The following CEP152 variants were observed in gnomAD, a reference collection of about 807,000 sequenced individuals.
The protein encoded by CEP152 is centrosomal protein 152, also known as centrosomal protein of 152 kDa.
CEP152 carries 132 observed loss-of-function variants against 188.9 expected under a neutral mutation model. The ratio of observed to expected loss-of-function variants is 0.70; its 90% CI spans 0.61 to 0.81. CEP152 has a LOEUF of 0.81. Among genes scored for constraint, CEP152 ranks in the 30% least tolerant of loss-of-function variants. The pLI, the probability that CEP152 is intolerant of heterozygous loss-of-function variation, is 0.00. For missense variants in CEP152, 1,914 were observed against 1,969.8 expected (o/e 0.97, Z 0.54); for synonymous variants, 649 against 666.6 (o/e 0.97, Z 0.41).
intron 2 of CEP152, among the ~76,000 whole-genome samples, chr15:48,802,047 G>A (rs1376441749): frequency 1.3e-5 from 2 of 151,018 alleles, no homozygotes; most frequent in Non-Finnish European, 2.9e-5. Flanking sequence ...CCAAGATCCC[G>A]TGATTGCACT....
intron 13 of CEP152, among the ~76,000 whole-genome samples, chr15:48,771,443 G>T (rs1277900064): frequency 6.6e-6 from 1 of 152,058 alleles, no homozygotes; most frequent in Admixed American, 6.5e-5. Flanking sequence ...AATGACTTTT[G>T]TTGTAAGAAC....
intron 10 of CEP152, among the ~76,000 whole-genome samples, chr15:48,782,568 A>G (rs541320322): frequency 6.6e-6 from 1 of 152,314 alleles, no homozygotes; most frequent in Admixed American, 6.5e-5. Context: ...AGTCAAAGAA[A>G]AAATTCTTTG....
At chr15:48,778,281 CAA>C (rs1306518640) in intron 12 of CEP152, among the ~76,000 whole-genome samples, 2 of 152,152 alleles carry the variant, frequency 1.3e-5, no homozygotes, top group Non-Finnish European at 2.9e-5. Flanking sequence ...GAAAGCAGCC[CAA>C]GTCAACAAAG....
intron 2 of CEP152, among the ~76,000 whole-genome samples, chr15:48,800,070 A>G (rs983311363): frequency 6.6e-6 from 1 of 152,234 alleles, no homozygotes; most frequent in African/African-American, 2.4e-5. Flanking sequence ...TCCCCGCACA[A>G]AAACAAAAAA....
In CEP152 at chr15:48,743,614, G is replaced by A. The variant is rs371244088; in HGVS notation, c.3835+626C>T. ...ACAGTGGCTCACGCCCGTAATCCCA[G>A]CACTTTGCGAGGCCGAAGCGGGTGG... On this transcript the variant is annotated intron_variant, in intron 24 of 26. Transcript: ENST00000380950. Among the ~76,000 whole-genome samples the A allele has an allele frequency of 1.6e-4, 25 of 152,330 alleles. 1 individual carries two copies. In the East Asian group the frequency reaches 4.8e-3, roughly 29 times the overall value.
chr15:48,754,731 G>A (rs775104423), intron 20 of CEP152, among the ~76,000 whole-genome samples: 48 of 152,294 alleles, frequency 3.2e-4, no homozygotes, highest in Non-Finnish European at 5.3e-4. Context: ...GCAGGACCCA[G>A]AAAGGCTAAG....
intron 20 of CEP152, among the ~76,000 whole-genome samples, chr15:48,753,061 C>A (rs971555170): frequency 3.9e-5 from 6 of 152,216 alleles, no homozygotes; most frequent in Non-Finnish European, 8.8e-5. Context: ...AAGACCATTT[C>A]TTCACTAATA....
intron 26 of CEP152, 151 bp downstream of exon 26, chr15:48,741,450 T>C (rs1892965260): frequency 6.6e-6 from 10 of 1,513,530 alleles, no homozygotes; most frequent in African/African-American, 2.8e-5. Context: ...CTGTGTACTC[T>C]TTTTGCGTAA....
Position 48,760,269 on chromosome 15 carries a change from G to C in CEP152, c.2563-3C>G, listed in dbSNP as rs751996192. On this transcript the variant is annotated splice_region_variant and splice_polypyrimidine_tract_variant and intron_variant, in intron 18 of 26. Transcript: ENST00000380950. Reference sequence around the variant, plus strand: ...GCATTTTGCACAGCTATTTCTACCTGTAGGACATTGCAAAAGAAAGAGGTA... The same window carrying C: ...GCATTTTGCACAGCTATTTCTACCTCTAGGACATTGCAAAAGAAAGAGGTA... 8 of 1,613,886 alleles carry C rather than the reference G, an allele frequency of 5.0e-6. No homozygotes were observed. The highest frequency in any genetic ancestry group is 6.8e-6 in the Non-Finnish European group (8 of 1,179,894).
rs1595624023 is a variant in CEP152, at chr15:48,760,379, T to C, written c.2563-113A>G. The C allele has an allele frequency of 7.6e-6, 10 of 1,321,060 alleles. No homozygotes were observed. The East Asian group carries it at 2.4e-4, about 31-fold the overall frequency. 81.8% of individuals were successfully genotyped at this position (1,321,060 alleles called of 1,614,324 possible). A position where few individuals can be genotyped will look rare whatever the true frequency, so the allele number is the denominator to read the frequency against. On this transcript the variant is annotated intron_variant, in intron 18 of 26. Transcript: ENST00000380950. ...TTTTATACTGTATATCACTACATAA[T>C]AAAGTCAAACTGACTGCAAGTACCC... is the stretch of plus-strand genomic sequence containing the variant.
intron 25 of CEP152, 83 bp from the exon 26 acceptor site, chr15:48,741,787 T>A: frequency 6.2e-7 from 1 of 1,610,378 alleles, no homozygotes; most frequent in South Asian, 1.1e-5. Flanking sequence ...GTTTTCCTAT[T>A]GGCTCTGCCA....
intron 9 of CEP152, 71 bp downstream of exon 9, chr15:48,788,730 T>C: frequency 1.5e-6 from 2 of 1,367,028 alleles, no homozygotes; most frequent in East Asian, 2.3e-5. Context: ...TGATGAACCA[T>C]AAAATATCAG....
At chr15:48,741,759 C>T in intron 25 of CEP152, 55 bp from the exon 26 acceptor site, 1 of 1,612,224 alleles carries the variant, frequency 6.2e-7, no homozygotes, top group Non-Finnish European at 8.5e-7. Context: ...AATGAGTTGC[C>T]TTAGCCCCAT....
At chr15:48,744,096 A>G in intron 24 of CEP152, 144 bp downstream of exon 24, 1 of 1,329,426 alleles carries the variant, frequency 7.5e-7, no homozygotes, top group Non-Finnish European at 1.0e-6. Context: ...TTGAAAAGGT[A>G]TCAATAATCT....
At chr15:48,762,293 G>C (rs1051901150) in intron 18 of CEP152, 98 bp downstream of exon 18, 10 of 1,175,600 alleles carry the variant, frequency 8.5e-6, no homozygotes, top group South Asian at 3.8e-5. Flanking sequence ...AATCTTAAAA[G>C]TATAAAGTTA....
intron 1 of CEP152, 39 bp from the exon 2 acceptor site, chr15:48,805,695 A>G: frequency 6.2e-7 from 1 of 1,612,762 alleles, no homozygotes; most frequent in Non-Finnish European, 8.5e-7. Context: ...TGGACACCAC[A>G]TAAAATCTCC....
intron 18 of CEP152, among the ~76,000 whole-genome samples, chr15:48,760,900 A>G (rs1894636646): frequency 6.6e-6 from 1 of 152,128 alleles, no homozygotes; most frequent in East Asian, 1.9e-4. Context: ...ATGCAGATAT[A>G]TGTATATATA....
intron 9 of CEP152, 39 bp from the exon 10 acceptor site, chr15:48,784,159 G>C (rs767004461): frequency 3.8e-6 from 6 of 1,585,828 alleles, no homozygotes; most frequent in Non-Finnish European, 3.4e-6. Flanking sequence ...TTTTCATAAA[G>C]AGTTTTAATA....
chr15:48,791,063 T>C (rs1896958206), intron 8 of CEP152, among the ~76,000 whole-genome samples, 174 bp downstream of exon 8: 1 of 152,060 alleles, frequency 6.6e-6, no homozygotes, highest in Admixed American at 6.5e-5. Flanking sequence ...AAAATAAAAA[T>C]AAAAGCTTCT....
Sources: allele counts gnomAD v4.1 joint callset (sites outside exome capture counted in the v4.1 genomes callset), GRCh38; gene constraint gnomAD v4.1.1; transcripts MANE v1.5; gene names NCBI Gene and HGNC (gene_info 2026-07-23, HGNC 2026-07-21).